ZNF718: variants seen among roughly 807,000 people sequenced by gnomAD.
ZNF718 encodes the protein zinc finger protein 718.
ZNF718 carries 3 observed loss-of-function variants against 2.6 expected under a neutral mutation model. That is an observed-to-expected ratio of 1.16 (90% CI 0.53 to 3.01). ZNF718 has a LOEUF of 3.01. ZNF718 is among the 30% of genes most tolerant of loss of function. ZNF718 has a pLI of 0.03. For synonymous variants in ZNF718, 135 were observed against 77.9 expected, an observed-to-expected ratio of 1.73 and a Z score of -3.86; for missense variants, 468 against 230.0, an observed-to-expected ratio of 2.03 and a Z score of -6.69.
chr4:146,765 G>A (rs1197094928), intron 3 of ZNF718, among the ~76,000 whole-genome samples: 2 of 146,952 alleles, frequency 1.4e-5, no homozygotes, highest in African/African-American at 4.9e-5. Flanking sequence ...ACTTACGTTT[G>A]CTGGGGTGTT....
intron 3 of ZNF718, among the ~76,000 whole-genome samples, chr4:154,786 C>G (rs545672696): frequency 6.6e-6 from 1 of 152,326 alleles, no homozygotes; most frequent in South Asian, 2.1e-4. Flanking sequence ...AAGGGAAATT[C>G]AAGCTCACTG....
chr4:145,730 T>C (rs1371099102), intron 3 of ZNF718, among the ~76,000 whole-genome samples: 1 of 152,138 alleles, frequency 6.6e-6, no homozygotes, highest in Non-Finnish European at 1.5e-5. Context: ...AGTGCTAGGA[T>C]TACATGCATG....
intron 3 of ZNF718, among the ~76,000 whole-genome samples, chr4:135,946 G>A (rs1444469075): frequency 6.6e-5 from 10 of 151,778 alleles, no homozygotes; most frequent in African/African-American, 1.9e-4. Flanking sequence ...TACGTTTGAA[G>A]GATCTAACAA....
chr4:160,414 T>C (rs1258965008), intron 3 of ZNF718, among the ~76,000 whole-genome samples: 1 of 152,220 alleles, frequency 6.6e-6, no homozygotes, highest in Non-Finnish European at 1.5e-5. Context: ...TTTTGGTCAG[T>C]ATATTTTTGT....
intron 3 of ZNF718, among the ~76,000 whole-genome samples, chr4:155,606 A>G (rs1295904497): frequency 6.6e-6 from 1 of 152,092 alleles, no homozygotes; most frequent in Non-Finnish European, 1.5e-5. Flanking sequence ...GTATGGGTGT[A>G]TTTACCCAAT....
intron 3 of ZNF718, among the ~76,000 whole-genome samples, chr4:179,494 A>G (rs1321969237): frequency 2.0e-5 from 3 of 152,214 alleles, no homozygotes; most frequent in Non-Finnish European, 2.9e-5. Context: ...GCTTAACAAT[A>G]CTAAGTCTCC....
chr4:125,344 C>T (rs1553807800), intron 1 of ZNF718: 1 of 152,448 alleles, frequency 6.6e-6, no homozygotes, highest in Non-Finnish European at 1.5e-5. Context: ...TGTGGGCGTC[C>T]CTGGTTTGTA....
chr4:178,653 TG>T (rs1553819421), intron 3 of ZNF718, among the ~76,000 whole-genome samples: 2 of 152,208 alleles, frequency 1.3e-5, no homozygotes, highest in East Asian at 1.9e-4. Flanking sequence ...ATAATTTTGA[TG>T]ATCCTTTCAA....
intron 3 of ZNF718, among the ~76,000 whole-genome samples, chr4:139,970 GTCTT>G (rs2108786062): frequency 6.6e-6 from 1 of 151,954 alleles, no homozygotes; most frequent in Non-Finnish European, 1.5e-5. Context: ...TTATTTCTCA[GTCTT>G]TAAGTCGCTG....
At chr4:136,815 C>T (rs1013483109) in intron 3 of ZNF718, among the ~76,000 whole-genome samples, 3 of 152,082 alleles carry the variant, frequency 2.0e-5, no homozygotes, top group Non-Finnish European at 2.9e-5. Context: ...ATGTATAAGC[C>T]ACATCTTTTT....
intron 3 of ZNF718, among the ~76,000 whole-genome samples, chr4:151,866 C>T (rs1188867478): frequency 1.1e-4 from 16 of 150,284 alleles, no homozygotes; most frequent in Middle Eastern, 3.2e-3. Flanking sequence ...GGGGAACCAG[C>T]GTTCAGCATA....
At chr4:176,835 G>C (rs1553819149) in intron 3 of ZNF718, among the ~76,000 whole-genome samples, 1 of 152,182 alleles carries the variant, frequency 6.6e-6, no homozygotes, top group African/African-American at 2.4e-5. Flanking sequence ...TAACTCTCTA[G>C]ACAGCAGCAA....
At chr4:194,757 C>G (rs1377118701) in intron 3 of ZNF718, among the ~76,000 whole-genome samples, 1 of 152,184 alleles carries the variant, frequency 6.6e-6, no homozygotes, top group Non-Finnish European at 1.5e-5. Context: ...TGCACTCTGA[C>G]TGGGCCAAAT....
chr4:171,492 C>T (rs1041181034), intron 3 of ZNF718, among the ~76,000 whole-genome samples: 13 of 152,110 alleles, frequency 8.5e-5, no homozygotes, highest in African/African-American at 2.7e-4. Flanking sequence ...TGGGCTCCAC[C>T]GAGTTCGAGT....
chr4:142,093 C>T (rs145372671), intron 3 of ZNF718: 24 of 519,276 alleles, frequency 4.6e-5, no homozygotes, highest in South Asian at 7.0e-5. Context: ...TTTAGGTTAA[C>T]GGGTTTTGAT....
downstream of ZNF718, among the ~76,000 whole-genome samples, chr4:168,739 CTCTTT>C (rs1717150781): frequency 6.6e-6 from 1 of 152,006 alleles, no homozygotes; most frequent in South Asian, 2.1e-4. Context: ...TGATTCTTCT[CTCTTT>C]TCTTCTTTAT....
intron 3 of ZNF718, among the ~76,000 whole-genome samples, chr4:148,407 G>A (rs1553811792): frequency 6.6e-6 from 1 of 151,938 alleles, no homozygotes; most frequent in African/African-American, 2.4e-5. Context: ...TCAGGAGTTC[G>A]AGACCAGCCT....
intron 3 of ZNF718, among the ~76,000 whole-genome samples, chr4:199,382 C>T (rs1262902782): frequency 1.3e-5 from 2 of 152,106 alleles, no homozygotes; most frequent in African/African-American, 4.8e-5. Context: ...AACTCAATTT[C>T]CTTGCATCCT....
At chr4:131,318 C>T in intron 2 of ZNF718, 92 bp from the exon 3 acceptor site, 1 of 240,272 alleles carries the variant, frequency 4.2e-6, no homozygotes, top group Admixed American at 7.6e-5. Flanking sequence ...TAGAATCTTC[C>T]CTAATTTCTC....
Sources: allele counts gnomAD v4.1 joint callset (sites outside exome capture counted in the v4.1 genomes callset), GRCh38; gene constraint gnomAD v4.1.1; transcripts MANE v1.5; gene names NCBI Gene and HGNC (gene_info 2026-07-23, HGNC 2026-07-21).